Variants in TRIO observed in about 807,000 individuals in gnomAD.
The protein encoded by TRIO is triple functional domain protein.
A neutral mutation model predicts 351.9 loss-of-function variants in TRIO; 58 were observed. The ratio of observed to expected loss-of-function variants is 0.16; its 90% CI spans 0.13 to 0.21. TRIO has a LOEUF of 0.21. Ranked by LOEUF, TRIO falls within the 10% of genes least tolerant of loss-of-function variation. The pLI is 1.00. For missense variants in TRIO, 3,201 were observed against 4,027.8 expected (o/e 0.79, Z 5.56); for synonymous variants, 1,758 against 1,595.7 (o/e 1.10, Z -2.42).
chr5:14,160,056 A>G (rs1024779845), intron 1 of TRIO, among the ~76,000 whole-genome samples: 4 of 152,258 alleles, frequency 2.6e-5, no homozygotes, highest in African/African-American at 7.2e-5. Flanking sequence ...TTCCAACTCA[A>G]TTAAAAAAGA....
intron 33 of TRIO, among the ~76,000 whole-genome samples, chr5:14,410,267 C>A (rs930280654): frequency 6.6e-6 from 1 of 152,172 alleles, no homozygotes; most frequent in South Asian, 2.1e-4. Context: ...TTGCTGCCCA[C>A]GTGTGCCTGC....
intron 1 of TRIO, among the ~76,000 whole-genome samples, chr5:14,174,684 T>C (rs1300492721): frequency 6.6e-6 from 1 of 152,230 alleles, no homozygotes; most frequent in East Asian, 1.9e-4. Context: ...GATCACTTTT[T>C]GTGACATTCC....
chr5:14,319,951 G>A (rs529298051), intron 9 of TRIO, among the ~76,000 whole-genome samples: 1 of 152,308 alleles, frequency 6.6e-6, no homozygotes, highest in Non-Finnish European at 1.5e-5. Flanking sequence ...TGGCGGGAAA[G>A]GTGGTTGAAG....
intron 1 of TRIO, among the ~76,000 whole-genome samples, chr5:14,262,425 G>A (rs1265461264): frequency 6.6e-6 from 1 of 152,080 alleles, no homozygotes; most frequent in African/African-American, 2.4e-5. Flanking sequence ...AGATGGTAAT[G>A]ATGAACCAAT....
intron 11 of TRIO, among the ~76,000 whole-genome samples, chr5:14,352,288 C>T (rs762447462): frequency 6.6e-6 from 1 of 152,240 alleles, no homozygotes; most frequent in Non-Finnish European, 1.5e-5. Flanking sequence ...GCAGCCTTGC[C>T]TAACCCTGTG....
intron 24 of TRIO, 132 bp from the exon 25 acceptor site, chr5:14,389,157 T>C (rs1746826855): frequency 1.6e-6 from 1 of 634,302 alleles, no homozygotes; most frequent in African/African-American, 1.9e-5. Context: ...TTTTATGTTT[T>C]GTAAAAGGGT....
chr5:14,357,640 A>G (rs1330939590), intron 11 of TRIO, among the ~76,000 whole-genome samples: 1 of 149,432 alleles, frequency 6.7e-6, no homozygotes, highest in Non-Finnish European at 1.5e-5. Flanking sequence ...TCGTGCCGTC[A>G]CCTCCCTAGC....
intron 42 of TRIO, 71 bp downstream of exon 42, chr5:14,479,421 A>G: frequency 1.4e-6 from 2 of 1,393,758 alleles, no homozygotes; most frequent in Non-Finnish European, 2.0e-6. Flanking sequence ...AAATGAAAGT[A>G]TCATTGGTTT....
chr5:14,295,099 T>A (rs1412834424), intron 6 of TRIO, among the ~76,000 whole-genome samples: 2 of 152,210 alleles, frequency 1.3e-5, no homozygotes, highest in Non-Finnish European at 1.5e-5. Context: ...ACGAATCCCT[T>A]GTATCTGTGG....
At position 14,461,290 on chromosome 5, in the gene TRIO, G is replaced by A. The variant is rs1328891509; in HGVS notation, c.5475G>A (p.Pro1825=). The A allele has an allele frequency of 1.9e-6, 3 of 1,589,898 alleles. No individual in the cohort carries two copies. Among genetic ancestry groups the A allele is most frequent in the Non-Finnish European group, 2.6e-6 (3 of 1,168,700 alleles). The change falls in exon 35 of 57, where the codon CCG becomes CCA. Residue 1825 remains proline, a synonymous_variant. Transcript: ENST00000344204. ...ACTCCGACGACAGTGCGGCCACCCC[G>A]CAGGACGAGACGGTCGAGGAGGTGA... ...QKDSDDSAAT[P]QDETVEERGR...
chr5:14,331,379 A>G (rs1381172420), intron 10 of TRIO, among the ~76,000 whole-genome samples: 1 of 152,152 alleles, frequency 6.6e-6, no homozygotes, highest in East Asian at 1.9e-4. Context: ...TAACCTTTCT[A>G]AGGTTAACTT....
chr5:14,370,215 TC>T (rs1744973775), intron 18 of TRIO, among the ~76,000 whole-genome samples: 1 of 152,018 alleles, frequency 6.6e-6, no homozygotes, highest in African/African-American at 2.4e-5. Flanking sequence ...GACTTGAACT[TC>T]CTGGGCTTAA....
In TRIO at chr5:14,387,116, G is replaced by A. The variant is rs953648642; in HGVS notation, c.3571-322G>A. On this transcript the variant is annotated intron_variant, in intron 21 of 56. Transcript: ENST00000344204. ...GGAGAGTAGCAGCATTGTGAAGACC[G>A]CGTTCTTCGCATACATTCCTCCATG... Among the ~76,000 whole-genome samples the A allele has an allele frequency of 3.3e-5, 5 of 152,208 alleles. No individual in the cohort carries two copies. The East Asian group carries it at 5.8e-4, about 18-fold the overall frequency.
intron 1 of TRIO, among the ~76,000 whole-genome samples, chr5:14,157,349 T>C (rs141800422): frequency 5.4e-4 from 82 of 152,160 alleles, no homozygotes; most frequent in African/African-American, 1.9e-3. Context: ...TAGGATTTCA[T>C]TTGCTGTTCT....
Position 14,369,433 on chromosome 5 carries a change from C to T in TRIO, c.3126C>T (p.Gly1042=), listed in dbSNP as rs754148709. 30 of 1,614,004 alleles carry T rather than the reference C, an allele frequency of 1.9e-5. No homozygotes were observed. Among genetic ancestry groups the T allele is most frequent in the Admixed American group, 6.7e-5 (4 of 59,998 alleles). Residue 1042 remains glycine (G), a synonymous_variant, in exon 18 of 57, where the codon GGC becomes GGT. Transcript: ENST00000344204. ...QEYKREEDWC[G]GADKLGPNSE... ...ACAAGAGAGAAGAAGACTGGTGTGG[C>T]GGGGCGGATAAGCTGGGCCCAAACT... is the stretch of plus-strand genomic sequence containing the variant.
intron 1 of TRIO, among the ~76,000 whole-genome samples, chr5:14,200,437 C>T (rs1364509173): frequency 6.6e-6 from 1 of 152,200 alleles, no homozygotes; most frequent in Non-Finnish European, 1.5e-5. Flanking sequence ...TAATTTTGGT[C>T]TCCCCTGTAA....
intron 12 of TRIO, among the ~76,000 whole-genome samples, chr5:14,358,618 CTT>C (rs2152336236): frequency 6.6e-6 from 1 of 152,276 alleles, no homozygotes; most frequent in East Asian, 1.9e-4. Flanking sequence ...AATATTTTCT[CTT>C]AACATCCAAC....
intron 1 of TRIO, among the ~76,000 whole-genome samples, chr5:14,265,690 G>GTATT: frequency 6.6e-6 from 1 of 152,292 alleles, no homozygotes; most frequent in Non-Finnish European, 1.5e-5. Context: ...GCTTAGAAAG[G>GTATT]TATTTGTCTC....
At chr5:14,390,104 C>A (rs563392565) in intron 25 of TRIO, 127 bp from the exon 26 acceptor site, 14 of 766,464 alleles carry the variant, frequency 1.8e-5, no homozygotes, top group African/African-American at 5.3e-5. Context: ...CAATAACTTA[C>A]CCTAGTTAAG....
Sources: allele counts gnomAD v4.1 joint callset (sites outside exome capture counted in the v4.1 genomes callset), GRCh38; gene constraint gnomAD v4.1.1; transcripts MANE v1.5; gene names NCBI Gene and HGNC (gene_info 2026-07-23, HGNC 2026-07-21).